GPR39: variants seen among roughly 807,000 people sequenced by gnomAD.
The protein encoded by GPR39 is zinc sensing receptor.
GPR39 carries 23 observed loss-of-function variants against 18.4 expected under a neutral mutation model. The ratio of observed to expected loss-of-function variants is 1.25; its 90% confidence interval spans 0.90 to 1.77. The LOEUF is 1.77. Among genes scored for constraint, GPR39 ranks in the 40% most tolerant of loss-of-function variants. The probability of loss-of-function intolerance (pLI) is 0.00; values close to 1 mark genes in which losing one functional copy is unlikely to be tolerated. For synonymous variants in GPR39, 280 were observed against 257.9 expected (o/e 1.09, Z -0.82); for missense variants, 647 against 602.4 (o/e 1.07, Z -0.78).
rs60267293 is a variant in GPR39, at chr2:132,546,839, C to CAAAAAAA, written c.857-98242_857-98236dup. On this transcript the variant is annotated intron_variant, in intron 1 of 1. Coordinates refer to ENST00000329321, the MANE Select transcript of GPR39 (RefSeq NM_001508.3). ...TCTCCAGGATGCAGTAGCTCCACAG[C>CAAAAAAA]AAAAAAAAAAAAAAAAAAAAAAAAA... Among the ~76,000 whole-genome samples the CAAAAAAA allele has an allele frequency of 8.8e-4, 30 of 33,972 alleles. 2 individuals are homozygous for CAAAAAAA. The highest frequency in any genetic ancestry group is 2.6e-3 in the African/African-American group (29 of 11,070). The allele number at this position is 33,972 out of a possible 152,430, so 22.3% of individuals were successfully genotyped here. A position where few individuals can be genotyped will look rare whatever the true frequency, so the allele number is the denominator to read the frequency against.
At chr2:132,562,350 G>C (rs1680269810) in intron 1 of GPR39, among the ~76,000 whole-genome samples, 1 of 152,022 alleles carries the variant, frequency 6.6e-6, no homozygotes, top group Non-Finnish European at 1.5e-5. Context: ...AAAATTCTTT[G>C]GCATGTTATA....
intron 1 of GPR39, among the ~76,000 whole-genome samples, chr2:132,630,466 C>T (rs1681629952): frequency 6.6e-6 from 1 of 152,168 alleles, no homozygotes; most frequent in Non-Finnish European, 1.5e-5. Context: ...GAAGGAAGTT[C>T]AAGGACAGAC....
chr2:132,554,269 T>C (rs1680105368), intron 1 of GPR39, among the ~76,000 whole-genome samples: 1 of 152,126 alleles, frequency 6.6e-6, no homozygotes. Flanking sequence ...TGCATTAACT[T>C]TAGGTATGAT....
intron 1 of GPR39, among the ~76,000 whole-genome samples, chr2:132,611,110 C>T (rs1681232269): frequency 1.3e-5 from 2 of 152,200 alleles, no homozygotes; most frequent in South Asian, 4.1e-4. Context: ...AATTTTGAAG[C>T]ACCCAACTTC....
chr2:132,484,245 C>T lies in GPR39; in HGVS notation c.856+66347C>T, dbSNP rs368495064. ...TGGCCATTGCAAGATGTTAACATAT[C>T]CCTGGAGCTGCCTGGTAAAGAGAAT... On this transcript the variant is annotated intron_variant, in intron 1 of 1. Transcript: ENST00000329321. 7.9e-5 allele frequency among the ~76,000 whole-genome samples: 12 copies of T among 152,316 alleles called. No homozygotes were observed. In the East Asian group the frequency reaches 1.5e-3, roughly 20 times the overall value.
Position 132,645,254 on chromosome 2 carries a change from C to G in GPR39, c.1010C>G (p.Ser337Trp), listed in dbSNP as rs377006153. The change falls in exon 2 of 2, where the codon TCG (serine) becomes TGG (tryptophan). Residue 337 changes from serine (S) to tryptophan (W), a missense_variant. Ser to Trp is a radical substitution (Grantham distance 177, BLOSUM62 -3). Transcript: ENST00000329321. ...TCGGAGACGTTTTTCTACCTCAGCT[C>G]GGTCATCAACCCGCTCCTGTACACG... is the stretch of plus-strand genomic sequence containing the variant. ...PFSETFFYLS[S>W]VINPLLYTVS... 6.2e-7 allele frequency: 1 copy of G among 1,614,064 alleles called. No individual in the cohort carries two copies. Among genetic ancestry groups the G allele is most frequent in the South Asian group, 1.1e-5 (1 of 91,078 alleles).
At chr2:132,548,079 T>C (rs1181043540) in intron 1 of GPR39, among the ~76,000 whole-genome samples, 1 of 152,180 alleles carries the variant, frequency 6.6e-6, no homozygotes, top group East Asian at 1.9e-4. Flanking sequence ...TTTAGTCCTG[T>C]TGTTCTTAAA....
At position 132,645,593 on chromosome 2, in the gene GPR39, AG is replaced by A. The variant is rs1682023622; in HGVS notation, c.1350del (p.Glu450AspfsTer12). The A allele has an allele frequency of 6.2e-7, 1 of 1,610,828 alleles. No individual in the cohort carries two copies. The highest frequency in any genetic ancestry group is 8.5e-7 in the Non-Finnish European group (1 of 1,178,668). ...ANSAAENGFQEHEV is the reference protein window; with the variant it reads ...ANSAAENGFQXHEV Reference sequence around the variant, plus strand: ...TCTGCTGCAGAGAATGGTTTTCAGGAGCATGAAGTTTGAATGTCAAGCGAGG... The same window carrying A: ...TCTGCTGCAGAGAATGGTTTTCAGGACATGAAGTTTGAATGTCAAGCGAGG... On this transcript the variant is annotated frameshift_variant, in exon 2 of 2. Transcript: ENST00000329321. LOFTEE classifies it high-confidence loss of function.
intron 1 of GPR39, among the ~76,000 whole-genome samples, chr2:132,480,553 C>T (rs1005168181): frequency 6.6e-5 from 10 of 152,134 alleles, no homozygotes; most frequent in African/African-American, 2.4e-4. Flanking sequence ...GTAACTAGGG[C>T]AGGGACAGGA....
chr2:132,593,872 G>A (rs1330113289), intron 1 of GPR39, among the ~76,000 whole-genome samples: 1 of 152,208 alleles, frequency 6.6e-6, no homozygotes, highest in East Asian at 1.9e-4. Flanking sequence ...TCTCCATCTG[G>A]CTCTTTGGGC....
chr2:132,552,917 TAC>T (rs58291826), intron 1 of GPR39, among the ~76,000 whole-genome samples: 66,689 of 131,036 alleles, frequency 0.51, 16,876 homozygotes, highest in East Asian at 0.82. Context: ...CACATATATA[TAC>T]ACACACACAC....
intron 1 of GPR39, among the ~76,000 whole-genome samples, chr2:132,453,170 A>C (rs1363582598): frequency 6.6e-6 from 1 of 152,190 alleles, no homozygotes. Context: ...AATGATTGAC[A>C]TTCTAACTGA....
intron 1 of GPR39, among the ~76,000 whole-genome samples, chr2:132,492,801 CCATATATAT>C (rs1558814681): frequency 1.5e-5 from 1 of 67,650 alleles, no homozygotes; most frequent in Non-Finnish European, 3.2e-5. Context: ...ACCATATATA[CCATATATAT>C]ACATACCATA....
intron 1 of GPR39, among the ~76,000 whole-genome samples, chr2:132,439,052 C>A (rs1483951255): frequency 6.6e-6 from 1 of 152,188 alleles, no homozygotes; most frequent in African/African-American, 2.4e-5. Flanking sequence ...AGTATTCCCC[C>A]AGGATGCAGC....
chr2:132,619,435 G>A (rs1002704833), intron 1 of GPR39, among the ~76,000 whole-genome samples: 1 of 152,110 alleles, frequency 6.6e-6, no homozygotes, highest in Non-Finnish European at 1.5e-5. Context: ...AGCCTTCAGG[G>A]GCAGAACCTT....
At chr2:132,514,984 A>C (rs1002021484) in intron 1 of GPR39, among the ~76,000 whole-genome samples, 2 of 152,222 alleles carry the variant, frequency 1.3e-5, no homozygotes, top group Admixed American at 1.3e-4. Context: ...TTTCGAGGAA[A>C]TGCACAGTGA....
intron 1 of GPR39, among the ~76,000 whole-genome samples, chr2:132,572,115 C>T (rs961002687): frequency 6.6e-6 from 1 of 152,134 alleles, no homozygotes; most frequent in Non-Finnish European, 1.5e-5. Context: ...CCTGTGGATG[C>T]TACTTACCTT....
chr2:132,594,522 T>A (rs951536422), intron 1 of GPR39, among the ~76,000 whole-genome samples: 6 of 152,000 alleles, frequency 3.9e-5, no homozygotes, highest in Non-Finnish European at 7.4e-5. Flanking sequence ...ACATAGTAAA[T>A]GTTCACTAAA....
Position 132,535,765 on chromosome 2 carries a change from G to T in GPR39, c.857-109336G>T, listed in dbSNP as rs191042131. On this transcript the variant is annotated intron_variant, in intron 1 of 1. Coordinates refer to ENST00000329321, the MANE Select transcript of GPR39 (RefSeq NM_001508.3). The stretch of plus-strand genomic sequence containing the variant: ...AGAACTTGTTATTGGTCTATTCAGG[G>T]ATTTGACTTATTCCTGGTTTAGTCT... Among the ~76,000 whole-genome samples, 17 of 147,430 alleles carry T rather than the reference G, an allele frequency of 1.2e-4. No homozygotes were observed. The East Asian group carries it at 3.7e-3, about 32-fold the overall frequency.
Sources: gnomAD v4.1 joint callset for allele counts (sites outside exome capture counted in the v4.1 genomes callset) on GRCh38, gnomAD v4.1.1 for gene constraint, MANE v1.5 for transcripts, NCBI Gene and HGNC (gene_info 2026-07-23, HGNC 2026-07-21) for gene names.